HMBOX1: variants seen among roughly 807,000 people sequenced by gnomAD.
HMBOX1 encodes the protein homeobox-containing protein 1.
A neutral mutation model predicts 54.5 loss-of-function variants in HMBOX1; 14 were observed. The ratio of observed to expected loss-of-function variants is 0.26; its 90% CI spans 0.17 to 0.40. The LOEUF (loss-of-function observed/expected upper bound fraction) is 0.40. HMBOX1 is among the 10% of genes least tolerant of loss of function. The probability of loss-of-function intolerance (pLI) is 1.00; values close to 1 mark genes in which losing one functional copy is unlikely to be tolerated. For missense variants in HMBOX1, 332 were observed against 514.4 expected, an observed-to-expected ratio of 0.65 and a Z score of 3.43; for synonymous variants, 160 against 181.0, an observed-to-expected ratio of 0.88 and a Z score of 0.93.
chr8:28,897,338 A>G (rs1812344383), intron 1 of HMBOX1, among the ~76,000 whole-genome samples: 1 of 152,002 alleles, frequency 6.6e-6, no homozygotes, highest in South Asian at 2.1e-4. Context: ...ATTTTCTGGT[A>G]AAAGTTAACG....
At chr8:29,017,062 A>C (rs1835133470) in intron 5 of HMBOX1, among the ~76,000 whole-genome samples, 1 of 152,158 alleles carries the variant, frequency 6.6e-6, no homozygotes, top group African/African-American at 2.4e-5. Flanking sequence ...TGGTTTCTGC[A>C]CTTCTCCATG....
intron 2 of HMBOX1, among the ~76,000 whole-genome samples, chr8:28,965,517 A>G (rs751352861): frequency 2.6e-5 from 4 of 152,212 alleles, no homozygotes; most frequent in Non-Finnish European, 5.9e-5. Context: ...TCTTTGCTCA[A>G]TTATGATGAA....
chr8:28,939,748 G>A (rs765389703), intron 1 of HMBOX1, among the ~76,000 whole-genome samples: 23 of 152,176 alleles, frequency 1.5e-4, no homozygotes, highest in Admixed American at 7.8e-4. Flanking sequence ...GGCCTCTGGT[G>A]ATCCACCCGC....
chr8:29,033,425 A>G lies in HMBOX1; in HGVS notation c.852-11936A>G, dbSNP rs144164360. Among the ~76,000 whole-genome samples, 204 of 152,306 alleles carry G rather than the reference A, an allele frequency of 1.3e-3. 2 individuals carry two copies. The East Asian group carries it at 0.033, about 25-fold the overall frequency. ...GGAGCCTGGACATGACCTCATTTCA[A>G]TCCATTAGACTATTTGAGGAAAAAA... On this transcript the variant is annotated intron_variant, in intron 6 of 9. Transcript: ENST00000287701.
chr8:29,027,123 A>G (rs1802176221), intron 6 of HMBOX1, among the ~76,000 whole-genome samples: 1 of 152,222 alleles, frequency 6.6e-6, no homozygotes, highest in Non-Finnish European at 1.5e-5. Context: ...TGTTAGCACT[A>G]ACCTAGGCTT....
At chr8:28,972,037 T>C (rs963901368) in intron 3 of HMBOX1, among the ~76,000 whole-genome samples, 1 of 152,232 alleles carries the variant, frequency 6.6e-6, no homozygotes, top group East Asian at 1.9e-4. Flanking sequence ...AGTACCACAA[T>C]GTTGAAATAT....
At chr8:28,962,832 G>A (rs952843982) in intron 1 of HMBOX1, among the ~76,000 whole-genome samples, 21 of 151,452 alleles carry the variant, frequency 1.4e-4, no homozygotes, top group African/African-American at 4.6e-4. Context: ...TTTTTTATTT[G>A]AGAGGGGTGT....
intron 6 of HMBOX1, among the ~76,000 whole-genome samples, chr8:29,034,788 C>T (rs181143986): frequency 2.6e-5 from 4 of 152,120 alleles, no homozygotes; most frequent in African/African-American, 7.2e-5. Flanking sequence ...ACCCGGGAGG[C>T]GGAAGTTGCC....
intron 4 of HMBOX1, among the ~76,000 whole-genome samples, chr8:28,987,667 A>T (rs1028208149): frequency 1.3e-4 from 20 of 152,148 alleles, no homozygotes; most frequent in African/African-American, 4.1e-4. Flanking sequence ...TGCTGCAAAT[A>T]GTTTTGTCAG....
intron 1 of HMBOX1, among the ~76,000 whole-genome samples, chr8:28,932,720 TGAA>T (rs1325790987): frequency 6.6e-6 from 1 of 152,228 alleles, no homozygotes; most frequent in Non-Finnish European, 1.5e-5. Context: ...CTTATGATTT[TGAA>T]GTTTGGTTGG....
At position 28,966,548 on chromosome 8, in the gene HMBOX1, T is replaced by A. The variant is rs549451121; in HGVS notation, c.23+2658T>A. Among the ~76,000 whole-genome samples, 38 of 152,332 alleles carry A rather than the reference T, an allele frequency of 2.5e-4. 2 individuals carry two copies. The South Asian group carries it at 4.1e-3, about 17-fold the overall frequency. ...CTGGTATCATGGACTTAGATGACCT[T>A]TGTAGGTCATTTACTGCCATAAATT... On this transcript the variant is annotated intron_variant, in intron 2 of 9. Coordinates refer to ENST00000287701, the MANE Select transcript of HMBOX1 (RefSeq NM_001135726.3).
chr8:28,973,813 T>TTTTTTTTTTTTTTTTTTTTTTG (rs1827893615), intron 3 of HMBOX1, among the ~76,000 whole-genome samples: 4 of 35,030 alleles, frequency 1.1e-4, no homozygotes, highest in Non-Finnish European at 2.3e-4. Flanking sequence ...GTTTTTTTTT[T>TTTTTTTTTTTTTTTTTTTTTTG]TTTTTTTTTT....
chr8:29,040,541 A>G (rs2133296370), intron 6 of HMBOX1, among the ~76,000 whole-genome samples: 1 of 152,322 alleles, frequency 6.6e-6, no homozygotes, highest in East Asian at 1.9e-4. Context: ...ACATTGAAAC[A>G]TTACAGAAAT....
chr8:28,959,362 C>G lies in HMBOX1; in HGVS notation c.-57-4449C>G, dbSNP rs141995107. On this transcript the variant is annotated intron_variant, in intron 1 of 9. Coordinates refer to ENST00000287701, the MANE Select transcript of HMBOX1 (RefSeq NM_001135726.3). ...GTGAGTAAGGGTCAGGTAGGGTCTA[C>G]AGTGTGGATGCCCTGAAGGAGGAGC... Among the ~76,000 whole-genome samples, 162 of 152,244 alleles carry G rather than the reference C, an allele frequency of 1.1e-3. 2 individuals are homozygous for G. The East Asian group carries it at 0.03, about 28-fold the overall frequency.
At position 29,018,176 on chromosome 8, in the gene HMBOX1, T is replaced by G. The variant is rs529784676; in HGVS notation, c.698-584T>G. Among the ~76,000 whole-genome samples, 7 of 152,364 alleles carry G rather than the reference T, an allele frequency of 4.6e-5. No individual in the cohort carries two copies. In the South Asian group the frequency reaches 1.0e-3, roughly 23 times the overall value. On this transcript the variant is annotated intron_variant, in intron 5 of 9. Coordinates refer to ENST00000287701, the MANE Select transcript of HMBOX1 (RefSeq NM_001135726.3). ...GACAATGTTGCTTTCCTGGTTTTATTCTTAGCTTCTAGCCTAGAGCAAGCC... is the reference window on the plus strand; with the variant it reads ...GACAATGTTGCTTTCCTGGTTTTATGCTTAGCTTCTAGCCTAGAGCAAGCC...
chr8:29,010,955 C>A (rs1045474946), intron 5 of HMBOX1, among the ~76,000 whole-genome samples: 4 of 152,094 alleles, frequency 2.6e-5, no homozygotes, highest in Non-Finnish European at 5.9e-5. Context: ...TATCTAATTT[C>A]TTTATCTTCT....
chr8:29,030,514 C>T (rs764251953), intron 6 of HMBOX1, among the ~76,000 whole-genome samples: 9 of 152,094 alleles, frequency 5.9e-5, no homozygotes, highest in South Asian at 2.1e-4. Context: ...CCACAACGCC[C>T]GGCCGGTCAA....
At chr8:29,015,434 C>CT (rs1834858412) in intron 5 of HMBOX1, among the ~76,000 whole-genome samples, 1 of 152,168 alleles carries the variant, frequency 6.6e-6, no homozygotes, top group South Asian at 2.1e-4. Context: ...CTTGATCAGC[C>CT]ATGATAACCG....
chr8:29,043,134 A>G (rs1393014223), intron 6 of HMBOX1, among the ~76,000 whole-genome samples: 1 of 152,200 alleles, frequency 6.6e-6, no homozygotes, highest in Non-Finnish European at 1.5e-5. Flanking sequence ...GGGTCTTCAC[A>G]AGCTGGCCCC....
Sources: allele counts gnomAD v4.1 joint callset (sites outside exome capture counted in the v4.1 genomes callset), GRCh38; gene constraint gnomAD v4.1.1; transcripts MANE v1.5; gene names NCBI Gene and HGNC (gene_info 2026-07-23, HGNC 2026-07-21).